The following REL variants were observed in gnomAD, a reference collection of about 807,000 sequenced individuals.
REL encodes proto-oncogene c-Rel.
In REL, 15 loss-of-function variants were observed where a neutral mutation model predicts 45.9. The observed-to-expected ratio is 0.33, with a 90% confidence interval of 0.22 to 0.50. The LOEUF is 0.50. Ranked by LOEUF, REL falls within the 20% of genes least tolerant of loss-of-function variation. The pLI is 0.98. For synonymous variants in REL, 239 were observed against 242.1 expected (o/e 0.99, Z 0.12); for missense variants, 601 against 715.2 (o/e 0.84, Z 1.82).
In REL at chr2:60,921,787, C is replaced by G; in HGVS notation, c.1016C>G (p.Ala339Gly). The change falls in exon 10 of 10, where the codon GCA (alanine) becomes GGA (glycine). Residue 339 changes from alanine to glycine, a missense_variant. Ala to Gly is a moderately conservative substitution (Grantham distance 60). This residue lies in a region of REL where 334 missense variants were observed against 333.1 expected (regional missense o/e 1.00). Transcript: ENST00000394479. The stretch of plus-strand genomic sequence containing the variant: ...GAACCAAACTTGTTTTCTCATGATG[C>G]AGTTGTGAGAGAAATGCCTACAGGG... ...KKEPNLFSHD[A>G]VVREMPTGVS... 5 of 1,611,536 alleles carry G rather than the reference C, an allele frequency of 3.1e-6. No individual in the cohort carries two copies. The highest frequency in any genetic ancestry group is 4.2e-6 in the Non-Finnish European group (5 of 1,178,044).
chr2:60,896,805 A>G (rs1439076529), intron 3 of REL, among the ~76,000 whole-genome samples: 2 of 152,132 alleles, frequency 1.3e-5, no homozygotes, highest in Non-Finnish European at 2.9e-5. Context: ...AGGCAGTTAA[A>G]TTTTTGGACC....
intron 4 of REL, among the ~76,000 whole-genome samples, chr2:60,909,018 GCAGT>G (rs1673733715): frequency 1.3e-5 from 2 of 152,202 alleles, no homozygotes; most frequent in East Asian, 3.9e-4. Context: ...TTTCTTTATT[GCAGT>G]CAGAGTTTTC....
intron 4 of REL, 61 bp from the exon 5 acceptor site, chr2:60,916,816 C>G: frequency 2.5e-6 from 3 of 1,217,218 alleles, no homozygotes; most frequent in South Asian, 2.7e-5. Context: ...GGGAGGAGGA[C>G]CTAGCAAGTC....
rs1472253129 is a variant in REL at position 60,918,399 on chromosome 2, A to C, written c.646A>C (p.Ile216Leu). The change falls in exon 7 of 10, where the codon ATA (isoleucine) becomes CTA (leucine). Residue 216 changes from isoleucine (I) to leucine (L), a missense_variant. Ile to Leu is a conservative substitution (Grantham distance 5, BLOSUM62 2). Coordinates refer to ENST00000394479, the MANE Select transcript of REL (RefSeq NM_001291746.2). ...LLCDKVQKDD[I>L]EVRFVLNDWE... ...TTTGGTTTCTTATTGACTAGATGAC[A>C]TAGAAGTTCGTTTTGTGTTGAACGA... 2 of 1,612,770 alleles carry C rather than the reference A, an allele frequency of 1.2e-6. No individual in the cohort carries two copies. The highest frequency in any genetic ancestry group is 3.3e-5 in the Admixed American group (2 of 59,862).
In REL at chr2:60,922,059, A is replaced by G. The variant is rs576602348; in HGVS notation, c.1288A>G (p.Ile430Val). Reference sequence around the variant, plus strand: ...TGATTTAAATGCTTCTAATGCTTGCATTTACAACAATGCCGATGACATAGT... The same window carrying G: ...TGATTTAAATGCTTCTAATGCTTGCGTTTACAACAATGCCGATGACATAGT... ...GNDLNASNAC[I>V]YNNADDIVGM... Residue 430 changes from isoleucine (I) to valine (V), a missense_variant, in exon 10 of 10, where the codon ATT (isoleucine) becomes GTT (valine). Transcript: ENST00000394479. The G allele has an allele frequency of 1.2e-6, 2 of 1,614,226 alleles. No individual in the cohort carries two copies. The highest frequency in any genetic ancestry group is 1.3e-5 in the African/African-American group (1 of 75,062).
Position 60,881,734 on chromosome 2 carries a change from T to C in REL, c.-107T>C. On this transcript the variant is annotated 5_prime_UTR_variant, in exon 1 of 10. Coordinates refer to ENST00000394479, the MANE Select transcript of REL (RefSeq NM_001291746.2). ...GAGGCCTCTAGGGTGGTCGGGGGAC[T>C]GGGGGCCCCGCCGGCAGAGGTCCCT... The C allele has an allele frequency of 2.0e-6, 2 of 999,406 alleles. No individual in the cohort carries two copies. The highest frequency in any genetic ancestry group is 1.4e-5 in the South Asian group (1 of 69,936). 61.9% of individuals were successfully genotyped at this position (999,406 alleles called of 1,614,324 possible). A position where few individuals can be genotyped will look rare whatever the true frequency, so the allele number is the denominator to read the frequency against.
intron 4 of REL, among the ~76,000 whole-genome samples, chr2:60,912,462 T>C (rs1227364085): frequency 3.3e-5 from 5 of 152,186 alleles, no homozygotes; most frequent in Admixed American, 3.3e-4. Flanking sequence ...TGGTGTTGTT[T>C]CGCTTGAAGT....
At position 60,895,086 on chromosome 2, in the gene REL, C is replaced by G. The variant is rs557300431; in HGVS notation, c.302+541C>G. Among the ~76,000 whole-genome samples, 15 of 151,498 alleles carry G rather than the reference C, an allele frequency of 9.9e-5. No individual in the cohort carries two copies. In the South Asian group the frequency reaches 2.9e-3, roughly 30 times the overall value. Reference sequence around the variant, plus strand: ...GTTGGTCAGGCTGGTCTGGAACTCCCGACCTCAGGTGATCTGCCTGCCTCG... The same window carrying G: ...GTTGGTCAGGCTGGTCTGGAACTCCGGACCTCAGGTGATCTGCCTGCCTCG... On this transcript the variant is annotated intron_variant, in intron 3 of 9. Coordinates refer to ENST00000394479, the MANE Select transcript of REL (RefSeq NM_001291746.2).
At chr2:60,882,709 G>A (rs1357144265) in intron 1 of REL, among the ~76,000 whole-genome samples, 1 of 152,068 alleles carries the variant, frequency 6.6e-6, no homozygotes, top group Non-Finnish European at 1.5e-5. Context: ...TTTTTACTGT[G>A]AGATAAAGCT....
chr2:60,923,804 C>G lies in REL; in HGVS notation c.*1269C>G, dbSNP rs1674205946. The stretch of plus-strand genomic sequence containing the variant: ...TCATCTACAAAAATTCTTCTTATAT[C>G]CTTGCATTCCTACAGTCTGTTCCCC... On this transcript the variant is annotated 3_prime_UTR_variant, in exon 10 of 10. Transcript: ENST00000394479. 4.3e-6 allele frequency: 1 copy of G among 233,114 alleles called. No homozygotes were observed. Among genetic ancestry groups the G allele is most frequent in the East Asian group, 6.0e-5 (1 of 16,572 alleles). The allele number at this position is 233,114 out of a possible 1,614,324, so 14.4% of individuals were successfully genotyped here.
chr2:60,919,389 C>T (rs115493911), intron 7 of REL, among the ~76,000 whole-genome samples: 2 of 151,698 alleles, frequency 1.3e-5, no homozygotes, highest in African/African-American at 4.8e-5. Context: ...TGCGCACCAC[C>T]ACACTTGGCT....
At chr2:60,887,440 A>G (rs1407476987) in intron 1 of REL, among the ~76,000 whole-genome samples, 1 of 152,088 alleles carries the variant, frequency 6.6e-6, no homozygotes, top group East Asian at 1.9e-4. Flanking sequence ...CATTCATTCA[A>G]TAGATGTTTA....
At chr2:60,896,187 C>G (rs1031975916) in intron 3 of REL, among the ~76,000 whole-genome samples, 4 of 151,864 alleles carry the variant, frequency 2.6e-5, no homozygotes, top group African/African-American at 9.7e-5. Flanking sequence ...GGTATTTAAA[C>G]CATTAGAGAC....
At chr2:60,905,341 G>A (rs1016476624) in intron 4 of REL, among the ~76,000 whole-genome samples, 1 of 152,042 alleles carries the variant, frequency 6.6e-6, no homozygotes, top group African/African-American at 2.4e-5. Context: ...TGATCCGCCC[G>A]CCTCAGCCTC....
At chr2:60,917,164 T>C (rs534968786) in intron 5 of REL, 147 bp downstream of exon 5, 1 of 683,794 alleles carries the variant, frequency 1.5e-6, no homozygotes, top group East Asian at 2.7e-5. Flanking sequence ...AGAAAGGAAA[T>C]CTTCTCTAAT....
chr2:60,906,132 T>G (rs1673641718), intron 4 of REL, among the ~76,000 whole-genome samples: 1 of 152,182 alleles, frequency 6.6e-6, no homozygotes, highest in African/African-American at 2.4e-5. Context: ...CTTGTGAGAC[T>G]TATTCACTAC....
intron 3 of REL, among the ~76,000 whole-genome samples, chr2:60,898,200 C>G (rs193135083): frequency 7.9e-5 from 12 of 152,332 alleles, no homozygotes; most frequent in African/African-American, 2.9e-4. Context: ...AACCCTCTAT[C>G]TTTCCTCGCT....
chr2:60,882,383 A>G (rs997474600), intron 1 of REL, among the ~76,000 whole-genome samples: 9 of 152,328 alleles, frequency 5.9e-5, no homozygotes, highest in African/African-American at 2.2e-4. Context: ...TGTTGCTTCG[A>G]CCAAGTGTAG....
chr2:60,900,876 C>A, intron 3 of REL, 116 bp from the exon 4 acceptor site: 1 of 852,480 alleles, frequency 1.2e-6, no homozygotes, highest in Non-Finnish European at 1.8e-6. Flanking sequence ...GAAGCACGTT[C>A]ATGCTTTGGT....
Sources: gnomAD v4.1 joint callset for allele counts (sites outside exome capture counted in the v4.1 genomes callset) on GRCh38, gnomAD v4.1.1 for gene constraint, gnomAD v4.1.1 regional missense constraint, MANE v1.5 for transcripts, NCBI Gene and HGNC (gene_info 2026-07-23, HGNC 2026-07-21) for gene names.